ATE1: variants seen among roughly 807,000 people sequenced by gnomAD.
ATE1 encodes arginyl-tRNA--protein transferase 1.
ATE1 carries 36 observed loss-of-function variants against 70.5 expected under a neutral mutation model. That is an observed-to-expected ratio of 0.51 (90% CI 0.39 to 0.67). The LOEUF (loss-of-function observed/expected upper bound fraction) is 0.67. Among genes scored for constraint, ATE1 ranks in the 30% least tolerant of loss-of-function variants. The probability of loss-of-function intolerance (pLI) is 0.00; values close to 1 mark genes in which losing one functional copy is unlikely to be tolerated. For missense variants in ATE1, 593 were observed against 629.5 expected (o/e 0.94, Z 0.62); for synonymous variants, 232 against 219.3 (o/e 1.06, Z -0.51).
At chr10:121,859,477 C>T (rs966259617) in intron 8 of ATE1, among the ~76,000 whole-genome samples, 7 of 151,784 alleles carry the variant, frequency 4.6e-5, no homozygotes, top group Non-Finnish European at 5.9e-5. Context: ...GGGATGGTCT[C>T]AATCTCCTGA....
At chr10:121,828,548 T>C (rs952214387) in intron 10 of ATE1, among the ~76,000 whole-genome samples, 3 of 152,126 alleles carry the variant, frequency 2.0e-5, no homozygotes, top group African/African-American at 4.8e-5. Flanking sequence ...ACAGAGAAAG[T>C]GAATGCTGCC....
intron 8 of ATE1, among the ~76,000 whole-genome samples, chr10:121,855,018 G>A (rs140402798): frequency 2.0e-5 from 3 of 152,282 alleles, no homozygotes; most frequent in African/African-American, 7.2e-5. Flanking sequence ...AGACATGCCC[G>A]CAGCTGCACA....
At chr10:121,806,867 G>A (rs569695467) in intron 10 of ATE1, among the ~76,000 whole-genome samples, 1 of 152,284 alleles carries the variant, frequency 6.6e-6, no homozygotes, top group South Asian at 2.1e-4. Flanking sequence ...TTTTCTGCAG[G>A]TTTGACATTT....
Position 121,899,863 on chromosome 10 carries a change from G to T in ATE1, c.942+3C>A. Reference sequence around the variant, plus strand: ...ACAGGAAAATTACACTTGGCCTGCTGACCTGGCTTTCGGTTGGCGTATCAG... The same window carrying T: ...ACAGGAAAATTACACTTGGCCTGCTTACCTGGCTTTCGGTTGGCGTATCAG... On this transcript the variant is annotated splice_donor_region_variant and intron_variant, in intron 7 of 11. Transcript: ENST00000224652. 6.2e-7 allele frequency: 1 copy of T among 1,612,030 alleles called. No homozygotes were observed.
At chr10:121,785,047 T>A (rs953976176) in intron 11 of ATE1, among the ~76,000 whole-genome samples, 2 of 152,166 alleles carry the variant, frequency 1.3e-5, no homozygotes, top group Non-Finnish European at 2.9e-5. Context: ...CACATAATAG[T>A]GTACAAGTGA....
intron 11 of ATE1, among the ~76,000 whole-genome samples, chr10:121,767,778 G>A (rs1017341013): frequency 2.0e-5 from 3 of 152,162 alleles, no homozygotes; most frequent in African/African-American, 7.2e-5. Flanking sequence ...GAAATCTTGT[G>A]CACTACTGGT....
chr10:121,897,554 C>G (rs553982957), intron 7 of ATE1, among the ~76,000 whole-genome samples: 1 of 152,252 alleles, frequency 6.6e-6, no homozygotes, highest in East Asian at 1.9e-4. Flanking sequence ...TCTGGCCGGA[C>G]CCGGTGGCTC....
At chr10:121,827,090 T>G (rs1156820729) in intron 10 of ATE1, among the ~76,000 whole-genome samples, 2 of 151,922 alleles carry the variant, frequency 1.3e-5, no homozygotes, top group Non-Finnish European at 2.9e-5. Flanking sequence ...CCCAGCTCAC[T>G]GAAACCTCCG....
intron 11 of ATE1, among the ~76,000 whole-genome samples, chr10:121,778,747 G>A (rs1945853413): frequency 2.0e-5 from 3 of 151,776 alleles, no homozygotes; most frequent in South Asian, 2.1e-4. Flanking sequence ...GATTACAGAC[G>A]CACACCACCA....
chr10:121,918,381 T>C (rs1450373834), intron 3 of ATE1, among the ~76,000 whole-genome samples: 1 of 150,886 alleles, frequency 6.6e-6, no homozygotes, highest in Non-Finnish European at 1.5e-5. Flanking sequence ...AGAGACGCAA[T>C]TCAGGAAACA....
intron 8 of ATE1, among the ~76,000 whole-genome samples, chr10:121,868,285 T>G (rs1289953234): frequency 1.3e-5 from 2 of 152,234 alleles, no homozygotes; most frequent in African/African-American, 4.8e-5. Context: ...AAAAAGAAAT[T>G]CATATTAATT....
chr10:121,755,661 G>A (rs568404925), intron 11 of ATE1, among the ~76,000 whole-genome samples: 1 of 152,310 alleles, frequency 6.6e-6, no homozygotes, highest in Non-Finnish European at 1.5e-5. Flanking sequence ...GCAAGGAGGA[G>A]CAAAGTCATG....
intron 11 of ATE1, among the ~76,000 whole-genome samples, chr10:121,788,544 A>G (rs1160891987): frequency 6.6e-6 from 1 of 152,152 alleles, no homozygotes; most frequent in African/African-American, 2.4e-5. Context: ...TACACAAAAA[A>G]CCTGATTTGT....
chr10:121,798,963 GA>G (rs1329430102), intron 10 of ATE1, among the ~76,000 whole-genome samples: 8 of 90,206 alleles, frequency 8.9e-5, no homozygotes, highest in Non-Finnish European at 1.8e-4. Context: ...AAAACAATAA[GA>G]TGATAAAATA....
chr10:121,831,685 T>A (rs144362554), intron 10 of ATE1, among the ~76,000 whole-genome samples: 1 of 152,292 alleles, frequency 6.6e-6, no homozygotes, highest in East Asian at 1.9e-4. Flanking sequence ...GACTCATGAT[T>A]TGAAAAAACA....
chr10:121,832,446 C>T (rs900408705), intron 10 of ATE1, among the ~76,000 whole-genome samples: 4 of 152,168 alleles, frequency 2.6e-5, no homozygotes, highest in Non-Finnish European at 5.9e-5. Context: ...TGTGTCCCCA[C>T]CTAAATCTCA....
At chr10:121,755,456 T>C (rs1227994902) in intron 11 of ATE1, among the ~76,000 whole-genome samples, 2 of 152,192 alleles carry the variant, frequency 1.3e-5, no homozygotes, top group Admixed American at 1.3e-4. Flanking sequence ...GAGTGAAGGG[T>C]ATGCATATGT....
chr10:121,902,406 T>C lies in ATE1; in HGVS notation c.798A>G (p.Ala266=), dbSNP rs1204631079. ...TCCAAAGTACCTCTAACTTGTGTGA[T>C]GCATTCTCTGGTAAAGACTCAAAAA... ...DLIFESLPEN[A]SHKLEVRVVR... is the part of the protein sequence containing the mutation. Residue 266 remains alanine, a synonymous_variant, in exon 6 of 12, where the codon GCA becomes GCG. Transcript: ENST00000224652. 6.1e-5 allele frequency: 99 copies of C among 1,613,928 alleles called. No homozygotes were observed. The highest frequency in any genetic ancestry group is 8.4e-5 in the Non-Finnish European group (99 of 1,179,908).
chr10:121,902,469 C>G lies in ATE1; in HGVS notation c.735G>C (p.Lys245Asn), dbSNP rs763148820. Residue 245 changes from lysine (K) to asparagine (N), a missense_variant, in exon 6 of 12, where the codon AAG becomes AAC. Transcript: ENST00000224652. ...QGHPPSLFPPKAKSNQPKSLE... is the reference protein window; with the variant it reads ...QGHPPSLFPPNAKSNQPKSLE... The stretch of plus-strand genomic sequence containing the variant: ...GTGATTTTGGCTGGTTGGATTTAGC[C>G]TTTGGTGGAAACAAAGATGGTGGGT... The G allele has an allele frequency of 8.1e-6, 13 of 1,614,062 alleles. No individual in the cohort carries two copies. Among genetic ancestry groups the G allele is most frequent in the Non-Finnish European group, 8.5e-7 (1 of 1,180,056 alleles).
Sources: allele counts gnomAD v4.1 joint callset (sites outside exome capture counted in the v4.1 genomes callset), GRCh38; gene constraint gnomAD v4.1.1; transcripts MANE v1.5; gene names NCBI Gene and HGNC (gene_info 2026-07-23, HGNC 2026-07-21).